NCK1: variants seen among roughly 807,000 people sequenced by gnomAD.
The protein encoded by NCK1 is NCK adaptor protein 1.
NCK1 carries 19 observed loss-of-function variants against 36.6 expected under a neutral mutation model. The observed-to-expected ratio is 0.52, with a 90% CI of 0.36 to 0.76. NCK1 has a LOEUF of 0.76. Among genes scored for constraint, NCK1 ranks in the 30% least tolerant of loss-of-function variants. The pLI is 0.00. For missense variants in NCK1, 358 were observed against 445.6 expected (o/e 0.80, Z 1.77); for synonymous variants, 165 against 156.0 (o/e 1.06, Z -0.43).
intron 3 of NCK1, among the ~76,000 whole-genome samples, chr3:136,947,692 T>G (rs576125821): frequency 6.6e-6 from 1 of 152,306 alleles, no homozygotes; most frequent in East Asian, 1.9e-4. Context: ...CCTCTGCCCA[T>G]CTACCTTTCC....
At chr3:136,879,586 A>G (rs563084712) in intron 1 of NCK1, among the ~76,000 whole-genome samples, 7 of 152,310 alleles carry the variant, frequency 4.6e-5, no homozygotes, top group Admixed American at 4.6e-4. Context: ...CACTATTCAC[A>G]ATAGCAAAGA....
chr3:136,893,542 C>T (rs1393531411), intron 1 of NCK1, among the ~76,000 whole-genome samples: 2 of 151,934 alleles, frequency 1.3e-5, no homozygotes, highest in East Asian at 3.9e-4. Flanking sequence ...GGATATTAGT[C>T]CTTTGTCAGA....
chr3:136,880,022 C>T (rs1297366365), intron 1 of NCK1, among the ~76,000 whole-genome samples: 4 of 146,296 alleles, frequency 2.7e-5, no homozygotes, highest in Admixed American at 6.9e-5. Flanking sequence ...CAGTGGCTCA[C>T]GCCTGTAATC....
At chr3:136,940,185 T>TA (rs1940635439) in intron 2 of NCK1, among the ~76,000 whole-genome samples, 1 of 152,188 alleles carries the variant, frequency 6.6e-6, no homozygotes, top group Non-Finnish European at 1.5e-5. Flanking sequence ...TTTTGTGTCC[T>TA]AATATATGGT....
At chr3:136,926,391 CAGCGT>C (rs906513885) in intron 1 of NCK1, among the ~76,000 whole-genome samples, 1 of 152,020 alleles carries the variant, frequency 6.6e-6, no homozygotes, top group African/African-American at 2.4e-5. Context: ...TCTCCTGCCT[CAGCGT>C]CCCAAGTAGC....
At chr3:136,878,812 A>T (rs947478305) in intron 1 of NCK1, among the ~76,000 whole-genome samples, 2 of 152,130 alleles carry the variant, frequency 1.3e-5, no homozygotes, top group African/African-American at 2.4e-5. Context: ...ATTGTTTCTG[A>T]CACTGAGGGT....
intron 1 of NCK1, 99 bp from the exon 2 acceptor site, chr3:136,927,885 A>C (rs956314667): frequency 3.4e-6 from 3 of 875,362 alleles, no homozygotes; most frequent in Middle Eastern, 2.3e-4. Flanking sequence ...TTTACTTTTC[A>C]TCTTTATGTC....
intron 1 of NCK1, among the ~76,000 whole-genome samples, chr3:136,902,467 T>C (rs545100535): frequency 1.3e-5 from 2 of 152,192 alleles, no homozygotes; most frequent in Non-Finnish European, 2.9e-5. Flanking sequence ...AGTGCTAAGA[T>C]TACAGGCGCG....
chr3:136,883,085 A>G (rs1405205952), intron 1 of NCK1, among the ~76,000 whole-genome samples: 1 of 152,006 alleles, frequency 6.6e-6, no homozygotes, highest in East Asian at 1.9e-4. Flanking sequence ...CACCCAGCTA[A>G]TTTTTTGTGT....
intron 2 of NCK1, among the ~76,000 whole-genome samples, chr3:136,942,929 G>T (rs535375625): frequency 6.6e-5 from 10 of 152,306 alleles, no homozygotes; most frequent in African/African-American, 2.4e-4. Flanking sequence ...TCAGGGAGCT[G>T]CCAGACAAGT....
At chr3:136,885,522 C>G (rs1939054420) in intron 1 of NCK1, among the ~76,000 whole-genome samples, 1 of 152,076 alleles carries the variant, frequency 6.6e-6, no homozygotes. Context: ...CCAGGCTGGC[C>G]TCCAACTCCT....
intron 2 of NCK1, among the ~76,000 whole-genome samples, 167 bp from the exon 3 acceptor site, chr3:136,945,416 A>G (rs150286331): frequency 6.6e-6 from 1 of 152,334 alleles, no homozygotes; most frequent in Non-Finnish European, 1.5e-5. Flanking sequence ...GAAAATTTGC[A>G]TCTTATTTCC....
chr3:136,892,129 C>A (rs1939263051), intron 1 of NCK1, among the ~76,000 whole-genome samples: 1 of 152,124 alleles, frequency 6.6e-6, no homozygotes, highest in Admixed American at 6.5e-5. Flanking sequence ...CTCAAGGGAT[C>A]CTCCTGTCTC....
rs1203128364 is a variant in NCK1 at position 136,948,400 on chromosome 3, A to G, written c.1081A>G (p.Ile361Val). Residue 361 changes from isoleucine (I) to valine (V), a missense_variant, in exon 4 of 4, where the codon ATT (isoleucine) becomes GTT (valine). Coordinates refer to ENST00000481752, the MANE Select transcript of NCK1 (RefSeq NM_001291999.2). The part of the protein sequence containing the change: ...ELVEHYKKAP[I>V]FTSEQGEKLY... ...TGTAGAACATTACAAAAAGGCACCA[A>G]TTTTTACAAGTGAACAAGGAGAAAA... is the stretch of plus-strand genomic sequence containing the variant. 6.2e-7 allele frequency: 1 copy of G among 1,613,086 alleles called. No homozygotes were observed. Among genetic ancestry groups the G allele is most frequent in the Non-Finnish European group, 8.5e-7 (1 of 1,179,268 alleles).
At chr3:136,907,522 G>T (rs1436413903) in intron 1 of NCK1, among the ~76,000 whole-genome samples, 1 of 152,186 alleles carries the variant, frequency 6.6e-6, no homozygotes, top group East Asian at 1.9e-4. Flanking sequence ...GATTGTAAGA[G>T]TCTGGTGGGA....
rs903226800 is a variant in NCK1 at position 136,951,605 on chromosome 3, T to C, written c.*3152T>C. On this transcript the variant is annotated 3_prime_UTR_variant, in exon 4 of 4. Coordinates refer to ENST00000481752, the MANE Select transcript of NCK1 (RefSeq NM_001291999.2). ...TAAAGTCTTCTTTCAAGTCAAAATA[T>C]AGAGACGAATCTCTGAAACGTTTTA... Among the ~76,000 whole-genome samples, 1 of 152,216 alleles carries C rather than the reference T, an allele frequency of 6.6e-6. No homozygotes were observed. The highest frequency in any genetic ancestry group is 6.5e-5 in the Admixed American group (1 of 15,278).
At chr3:136,890,333 G>A (rs1668088703) in intron 1 of NCK1, among the ~76,000 whole-genome samples, 1 of 151,984 alleles carries the variant, frequency 6.6e-6, no homozygotes, top group African/African-American at 2.4e-5. Context: ...CGGAACTCCA[G>A]CTGGCCCGCC....
At chr3:136,876,416 TAAAG>T (rs1938772974) in intron 1 of NCK1, among the ~76,000 whole-genome samples, 1 of 151,780 alleles carries the variant, frequency 6.6e-6, no homozygotes, top group Non-Finnish European at 1.5e-5. Flanking sequence ...GCAAGACTAA[TAAAG>T]AAAAAGAGAA....
chr3:136,864,813 A>G (rs1423874267), intron 1 of NCK1, among the ~76,000 whole-genome samples: 2 of 135,078 alleles, frequency 1.5e-5, no homozygotes, highest in Non-Finnish European at 3.1e-5. Context: ...GCTGGAGTGC[A>G]GTGGCACGAT....
Sources: gnomAD v4.1 joint callset for allele counts (sites outside exome capture counted in the v4.1 genomes callset) on GRCh38, gnomAD v4.1.1 for gene constraint, MANE v1.5 for transcripts, NCBI Gene and HGNC (gene_info 2026-07-23, HGNC 2026-07-21) for gene names.